M6PR: variants seen among roughly 807,000 people sequenced by gnomAD.
The protein encoded by M6PR is mannose-6-phosphate receptor, cation dependent, also known as cation-dependent mannose-6-phosphate receptor.
M6PR carries 19 observed loss-of-function variants against 33.1 expected under a neutral mutation model. That is an observed-to-expected ratio of 0.57 (90% CI 0.40 to 0.84). The LOEUF is 0.84. M6PR is among the 40% of genes least tolerant of loss of function. M6PR has a pLI of 0.00. For missense variants in M6PR, 295 were observed against 336.0 expected (o/e 0.88, Z 0.95); for synonymous variants, 111 against 123.4 (o/e 0.90, Z 0.67).
rs1274910925 is a variant in M6PR, at chr12:8,941,464, A to G, written c.*354T>C. 1 of 195,876 alleles carries G rather than the reference A, an allele frequency of 5.1e-6. No individual in the cohort carries two copies. The highest frequency in any genetic ancestry group is 1.0e-5 in the Non-Finnish European group (1 of 95,384). The allele number at this position is 195,876 out of a possible 1,614,324, so 12.1% of individuals were successfully genotyped here. A position where few individuals can be genotyped will look rare whatever the true frequency, so the allele number is the denominator to read the frequency against. ...TTAATTAAAGAAATCCAGTGTCTCA[A>G]AAACTTGTGAAAATGTGTTTAAAAA... On this transcript the variant is annotated 3_prime_UTR_variant, in exon 7 of 7. Coordinates refer to ENST00000000412, the MANE Select transcript of M6PR (RefSeq NM_002355.4).
chr12:8,945,614 G>A, intron 2 of M6PR, 30 bp from the exon 3 acceptor site: 1 of 1,601,216 alleles, frequency 6.2e-7, no homozygotes, highest in Non-Finnish European at 8.5e-7. Flanking sequence ...GAAAGAAGAG[G>A]AGAGTTACTA....
At chr12:8,942,321 G>A in intron 6 of M6PR, 95 bp downstream of exon 6, 1 of 1,564,348 alleles carries the variant, frequency 6.4e-7, no homozygotes, top group Non-Finnish European at 8.8e-7. Context: ...AATGTCCTGT[G>A]TCCCAGGAAC....
intron 3 of M6PR, 96 bp from the exon 4 acceptor site, chr12:8,944,006 A>C: frequency 1.2e-6 from 1 of 805,416 alleles, no homozygotes. Flanking sequence ...ATTCATTGCA[A>C]TTGGTTATAA....
intron 1 of M6PR, among the ~76,000 whole-genome samples, chr12:8,947,444 C>T (rs1946111909): frequency 6.6e-6 from 1 of 152,076 alleles, no homozygotes; most frequent in South Asian, 2.1e-4. Flanking sequence ...AAATTGTCTA[C>T]CTGACTTCCT....
Position 8,945,502 on chromosome 12 carries a change from C to G in M6PR, c.259G>C (p.Gly87Arg). 6.2e-7 allele frequency: 1 copy of G among 1,614,056 alleles called. No homozygotes were observed. The highest frequency in any genetic ancestry group is 8.5e-7 in the Non-Finnish European group (1 of 1,180,014). Reference protein sequence around the residue: ...VCREAGNHTSGAGLVQINKSN... With the variant: ...VCREAGNHTSRAGLVQINKSN... Reference sequence around the variant, plus strand: ...TTGTTGATTTGCACCAGGCCTGCCCCAGAAGTGTGGTTGCCAGCTTCCCGG... The same window carrying G: ...TTGTTGATTTGCACCAGGCCTGCCCGAGAAGTGTGGTTGCCAGCTTCCCGG... Residue 87 changes from glycine (G) to arginine (R), a missense_variant, in exon 3 of 7, where the codon GGG becomes CGG. Coordinates refer to ENST00000000412, the MANE Select transcript of M6PR (RefSeq NM_002355.4).
rs1946016849 is a variant in M6PR, at chr12:8,941,947, G to A, written c.712-7C>T. On this transcript the variant is annotated splice_region_variant and splice_polypyrimidine_tract_variant and intron_variant, in intron 6 of 6. Transcript: ENST00000000412. The stretch of plus-strand genomic sequence containing the variant: ...AGACAAAGTCACAGCCATCCTGTAG[G>A]GGGAAAAAAAAGAAGGAAATAATTC... 5 of 1,613,860 alleles carry A rather than the reference G, an allele frequency of 3.1e-6. No individual in the cohort carries two copies. Among genetic ancestry groups the A allele is most frequent in the Non-Finnish European group, 4.2e-6 (5 of 1,179,884 alleles).
At chr12:8,944,329 A>G (rs1277560963) in intron 3 of M6PR, among the ~76,000 whole-genome samples, 4 of 152,208 alleles carry the variant, frequency 2.6e-5, no homozygotes, top group African/African-American at 4.8e-5. Flanking sequence ...CTAAGATTGG[A>G]ATGCATATCT....
chr12:8,942,001 G>GT, intron 6 of M6PR, 61 bp from the exon 7 acceptor site: 1 of 1,579,360 alleles, frequency 6.3e-7, no homozygotes, highest in Non-Finnish European at 8.7e-7. Context: ...ATATGAGAAA[G>GT]TGTACTTATG....
intron 2 of M6PR, among the ~76,000 whole-genome samples, chr12:8,945,881 T>C (rs1946086568): frequency 6.6e-6 from 1 of 152,228 alleles, no homozygotes; most frequent in African/African-American, 2.4e-5. Context: ...CCCATGTTCA[T>C]CGGATAGTCT....
At chr12:8,944,826 A>G (rs1177457465) in intron 3 of M6PR, among the ~76,000 whole-genome samples, 1 of 152,110 alleles carries the variant, frequency 6.6e-6, no homozygotes, top group East Asian at 1.9e-4. Context: ...AAACTCATTA[A>G]AAGTATTTGG....
chr12:8,946,170 A>G, intron 2 of M6PR, 59 bp downstream of exon 2: 3 of 1,499,354 alleles, frequency 2.0e-6, no homozygotes, highest in Middle Eastern at 1.8e-4. Context: ...AAAATCAGTA[A>G]GAAGAAAAGA....
In M6PR at chr12:8,943,914, A is replaced by AG; in HGVS notation, c.344-5dup. On this transcript the variant is annotated splice_region_variant and splice_polypyrimidine_tract_variant and intron_variant, in intron 3 of 6. Transcript: ENST00000000412. ...TAGATCAGCATGATCCAATTACCTG[A>AG]GGAGGGACAAGGAAAATGGAGCTAT... is the stretch of plus-strand genomic sequence containing the variant. 1.3e-6 allele frequency: 2 copies of AG among 1,590,362 alleles called. No individual in the cohort carries two copies. The highest frequency in any genetic ancestry group is 1.7e-6 in the Non-Finnish European group (2 of 1,158,646).
intron 2 of M6PR, 74 bp from the exon 3 acceptor site, chr12:8,945,658 C>T (rs967045487): frequency 5.6e-6 from 7 of 1,255,688 alleles, no homozygotes; most frequent in East Asian, 2.4e-5. Flanking sequence ...CATCCCTTTC[C>T]TTAATTAAAA....
Position 8,949,071 on chromosome 12 carries a change from C to T in M6PR, c.-2+417G>A, listed in dbSNP as rs73055742. ...ACAGTCGCATCCCCCTCAAAGCTCT[C>T]CCAGGGTGCCAGAAATTCTCGCTCT... On this transcript the variant is annotated intron_variant, in intron 1 of 6. Coordinates refer to ENST00000000412, the MANE Select transcript of M6PR (RefSeq NM_002355.4). The surrounding 1 kb of genome is among the most constrained non-coding windows in gnomAD (Gnocchi z 5.6). 3.3e-3 allele frequency among the ~76,000 whole-genome samples: 500 copies of T among 152,252 alleles called. 1 individual carries two copies. The highest frequency in any genetic ancestry group is 6.3e-3 in the Non-Finnish European group (426 of 68,002).
rs560716389 is a variant in M6PR, at chr12:8,946,833, C to T, written c.-1-428G>A. ...TACAGTTGTCTTTTACACTACAAAT[C>T]AATGACAACAAATTGGGGATCACCA... On this transcript the variant is annotated intron_variant, in intron 1 of 6. Coordinates refer to ENST00000000412, the MANE Select transcript of M6PR (RefSeq NM_002355.4). 11 of 154,326 alleles carry T rather than the reference C, an allele frequency of 7.1e-5. No homozygotes were observed. In the South Asian group the frequency reaches 1.6e-3, roughly 23 times the overall value. The allele number at this position is 154,326 out of a possible 1,614,324, so 9.6% of individuals were successfully genotyped here.
rs1335898127 is a variant in M6PR at position 8,941,872 on chromosome 12, AT to A, written c.779del (p.Asp260ValfsTer63). On this transcript the variant is annotated frameshift_variant, in exon 7 of 7. Coordinates refer to ENST00000000412, the MANE Select transcript of M6PR (RefSeq NM_002355.4). LOFTEE classifies it high-confidence loss of function. ...CTTCTGACTCCTCCCCCAGCTGGTC[AT>A]CCCCCACACCACGATATGCTGCAGG... The part of the protein sequence containing the change: ...NVPAAYRGVG[D>X]DQLGEESEER... 1.2e-6 allele frequency: 2 copies of A among 1,614,034 alleles called. No homozygotes were observed. The highest frequency in any genetic ancestry group is 2.7e-5 in the African/African-American group (2 of 74,914).
At chr12:8,947,836 G>GTTT (rs199863898) in intron 1 of M6PR, among the ~76,000 whole-genome samples, 3 of 146,634 alleles carry the variant, frequency 2.0e-5, no homozygotes, top group Non-Finnish European at 3.0e-5. Context: ...AAAACTGTGG[G>GTTT]TTTTTTTTTT....
intron 1 of M6PR, among the ~76,000 whole-genome samples, chr12:8,948,711 G>T (rs754156680): frequency 6.6e-6 from 1 of 152,082 alleles, no homozygotes; most frequent in Non-Finnish European, 1.5e-5. Context: ...CCTTTATTAG[G>T]GTGGCCAATG....
chr12:8,948,237 G>T (rs757230412), intron 1 of M6PR, among the ~76,000 whole-genome samples: 4 of 152,230 alleles, frequency 2.6e-5, no homozygotes, highest in Admixed American at 2.0e-4. Flanking sequence ...CCTGCTTAAG[G>T]CTTGTCTTTA....
Sources: gnomAD v4.1 joint callset for allele counts (sites outside exome capture counted in the v4.1 genomes callset) on GRCh38, gnomAD v4.1.1 for gene constraint, Gnocchi (gnomAD v3.1) non-coding constraint, MANE v1.5 for transcripts, NCBI Gene and HGNC (gene_info 2026-07-23, HGNC 2026-07-21) for gene names.